The following GLIS3 variants were observed in gnomAD, a reference collection of about 807,000 sequenced individuals.
GLIS3 encodes GLIS family zinc finger 3.
GLIS3 carries 53 observed loss-of-function variants against 78.6 expected under a neutral mutation model. That is an observed-to-expected ratio of 0.67 (90% CI 0.54 to 0.85). The LOEUF is 0.85. Among genes scored for constraint, GLIS3 ranks in the 40% least tolerant of loss-of-function variants. The probability of loss-of-function intolerance (pLI) is 0.00; values close to 1 mark genes in which losing one functional copy is unlikely to be tolerated. For synonymous variants in GLIS3, 684 were observed against 509.9 expected (o/e 1.34, Z -4.60); for missense variants, 1,703 against 1,231.1 (o/e 1.38, Z -5.74).
At chr9:4,131,527 A>T (rs1373688451) in intron 2 of GLIS3, among the ~76,000 whole-genome samples, 1 of 151,974 alleles carries the variant, frequency 6.6e-6, no homozygotes, top group Non-Finnish European at 1.5e-5. Context: ...AGTTCCCATG[A>T]GATCTGGTTG....
At chr9:4,433,481 T>G in the GLIS3 span, among the ~76,000 whole-genome samples, 22 of 152,154 alleles carry the variant, frequency 1.4e-4, no homozygotes, top group African/African-American at 5.3e-4. Context: ...ATAGGAGAAG[T>G]TTCTCAGTTA....
intron 7 of GLIS3, among the ~76,000 whole-genome samples, chr9:3,896,562 AG>A (rs1822846167): frequency 6.7e-6 from 1 of 150,166 alleles, no homozygotes; most frequent in Admixed American, 6.7e-5. Context: ...GCTGCTAGGG[AG>A]GCTGAGGCAG....
At chr9:4,290,051 G>C (rs1342041903) in intron 1 of GLIS3, among the ~76,000 whole-genome samples, 1 of 152,108 alleles carries the variant, frequency 6.6e-6, no homozygotes, top group Non-Finnish European at 1.5e-5. Context: ...CAAACGAAAA[G>C]CAATGTTAAC....
chr9:4,210,305 T>A (rs1820268805), intron 2 of GLIS3, among the ~76,000 whole-genome samples: 1 of 152,222 alleles, frequency 6.6e-6, no homozygotes, highest in Admixed American at 6.5e-5. Flanking sequence ...AACCAGAAAG[T>A]AACCATCAGA....
At chr9:4,160,181 C>T (rs1051806149) in intron 2 of GLIS3, among the ~76,000 whole-genome samples, 2 of 152,188 alleles carry the variant, frequency 1.3e-5, no homozygotes, top group Admixed American at 6.5e-5. Context: ...ATTTCTTCCT[C>T]ATTACAGGCA....
At chr9:4,004,559 C>A (rs1411729148) in intron 4 of GLIS3, among the ~76,000 whole-genome samples, 1 of 152,124 alleles carries the variant, frequency 6.6e-6, no homozygotes. Flanking sequence ...GAATGTTGAT[C>A]TACAAGAAAA....
chr9:4,485,887 A>C, the GLIS3 span, among the ~76,000 whole-genome samples: 1 of 151,830 alleles, frequency 6.6e-6, no homozygotes, highest in Non-Finnish European at 1.5e-5. Context: ...ATGCCCAGCT[A>C]ATTTTTTGTA....
At chr9:4,110,508 T>G (rs764323209) in intron 4 of GLIS3, among the ~76,000 whole-genome samples, 8 of 152,188 alleles carry the variant, frequency 5.3e-5, no homozygotes, top group Non-Finnish European at 1.0e-4. Context: ...AAATAAATAC[T>G]GTGCCGTGAA....
chr9:4,329,331 T>A (rs1587388945), intron 2 of GLIS3, among the ~76,000 whole-genome samples: 1 of 152,202 alleles, frequency 6.6e-6, no homozygotes, highest in African/African-American at 2.4e-5. Flanking sequence ...TCTGTTAGCT[T>A]GTTTCCGATA....
chr9:4,014,704 A>T (rs1822295606), intron 4 of GLIS3, among the ~76,000 whole-genome samples: 1 of 152,246 alleles, frequency 6.6e-6, no homozygotes, highest in African/African-American at 2.4e-5. Flanking sequence ...ATTTGTTTTA[A>T]GCCACCCAAT....
intron 6 of GLIS3, among the ~76,000 whole-genome samples, chr9:3,922,187 G>C (rs1824936090): frequency 6.6e-6 from 1 of 152,130 alleles, no homozygotes; most frequent in African/African-American, 2.4e-5. Context: ...AGTTGGTTAA[G>C]TGAAATGCAG....
At chr9:4,438,256 C>T in the GLIS3 span, among the ~76,000 whole-genome samples, 1 of 152,070 alleles carries the variant, frequency 6.6e-6, no homozygotes. Context: ...TACCCTCATG[C>T]CACCCCAATG....
At chr9:4,327,760 G>A (rs1453608394) in intron 2 of GLIS3, among the ~76,000 whole-genome samples, 1 of 152,194 alleles carries the variant, frequency 6.6e-6, no homozygotes, top group Non-Finnish European at 1.5e-5. Context: ...TGTGTGGCAT[G>A]AGCAGTAGCA....
At chr9:4,390,151 T>G in the GLIS3 span, among the ~76,000 whole-genome samples, 2 of 152,228 alleles carry the variant, frequency 1.3e-5, no homozygotes, top group African/African-American at 4.8e-5. Flanking sequence ...ATGACATGTT[T>G]GAAGATCTCT....
intron 4 of GLIS3, among the ~76,000 whole-genome samples, chr9:3,938,905 C>G (rs978817770): frequency 6.6e-6 from 1 of 152,192 alleles, no homozygotes; most frequent in Admixed American, 6.5e-5. Flanking sequence ...TAAACCCCAA[C>G]TCATTGCTAA....
chr9:4,389,430 C>T, the GLIS3 span, among the ~76,000 whole-genome samples: 1 of 152,136 alleles, frequency 6.6e-6, no homozygotes. Flanking sequence ...TTCATTTTGC[C>T]TGGATATCGC....
chr9:3,832,320 A>C (rs1313912490), intron 9 of GLIS3, among the ~76,000 whole-genome samples: 1 of 152,104 alleles, frequency 6.6e-6, no homozygotes, highest in African/African-American at 2.4e-5. Flanking sequence ...GAGGAAAATA[A>C]AATTTCCAAA....
At chr9:4,329,794 A>G (rs1188224939) in intron 2 of GLIS3, among the ~76,000 whole-genome samples, 2 of 152,168 alleles carry the variant, frequency 1.3e-5, no homozygotes, top group Admixed American at 1.3e-4. Context: ...CAACGTATTA[A>G]TACTGTCATT....
chr9:4,111,799 G>A (rs546895468), intron 4 of GLIS3, among the ~76,000 whole-genome samples: 7 of 152,184 alleles, frequency 4.6e-5, no homozygotes, highest in Admixed American at 6.5e-5. Context: ...CCGATGCCTT[G>A]TGGGATATGA....
Sources: gnomAD v4.1 joint callset for allele counts (sites outside exome capture counted in the v4.1 genomes callset) on GRCh38, gnomAD v4.1.1 for gene constraint, MANE v1.5 for transcripts, NCBI Gene and HGNC (gene_info 2026-07-23, HGNC 2026-07-21) for gene names.